Variants in GLRA3 observed in about 807,000 individuals in gnomAD.
GLRA3 encodes the protein glycine receptor alpha 3.
In GLRA3, 44 loss-of-function variants were observed where a neutral mutation model predicts 60.4. That is an observed-to-expected ratio of 0.73 (90% CI 0.57 to 0.94). GLRA3 has a LOEUF of 0.94. Ranked by LOEUF, GLRA3 falls within the 40% of genes least tolerant of loss-of-function variation. GLRA3 has a pLI of 0.00. For missense variants in GLRA3, 508 were observed against 564.6 expected, an observed-to-expected ratio of 0.90 and a Z score of 1.02; for synonymous variants, 223 against 192.9, an observed-to-expected ratio of 1.16 and a Z score of -1.29.
chr4:174,676,558 T>C (rs1472278392), intron 7 of GLRA3, among the ~76,000 whole-genome samples: 1 of 152,144 alleles, frequency 6.6e-6, no homozygotes, highest in Non-Finnish European at 1.5e-5. Flanking sequence ...TATGGATATA[T>C]ATGTGTGTTT....
chr4:174,669,695 C>A (rs1733832013), intron 7 of GLRA3, among the ~76,000 whole-genome samples: 1 of 152,136 alleles, frequency 6.6e-6, no homozygotes, highest in Non-Finnish European at 1.5e-5. Context: ...CCTGCCTCAG[C>A]CTCCCAAGCA....
At chr4:174,737,173 A>C (rs1295831289) in intron 3 of GLRA3, among the ~76,000 whole-genome samples, 1 of 152,186 alleles carries the variant, frequency 6.6e-6, no homozygotes, top group Non-Finnish European at 1.5e-5. Context: ...CCTGTGTAAG[A>C]TCAAATTTTA....
At chr4:174,767,306 T>C (rs572974583) in intron 2 of GLRA3, among the ~76,000 whole-genome samples, 66 of 152,256 alleles carry the variant, frequency 4.3e-4, no homozygotes, top group African/African-American at 1.5e-3. Context: ...TAATGCCTGA[T>C]GCTGTAAGTC....
intron 5 of GLRA3, among the ~76,000 whole-genome samples, chr4:174,702,857 G>A (rs2111053854): frequency 6.6e-6 from 1 of 152,156 alleles, no homozygotes; most frequent in Admixed American, 6.5e-5. Flanking sequence ...TGGTATATTT[G>A]AATCATATTC....
chr4:174,761,674 A>G (rs1015629668), intron 3 of GLRA3, among the ~76,000 whole-genome samples: 1 of 152,212 alleles, frequency 6.6e-6, no homozygotes, highest in Non-Finnish European at 1.5e-5. Context: ...GAAGATAGAT[A>G]AAACCAATAT....
intron 3 of GLRA3, among the ~76,000 whole-genome samples, chr4:174,758,440 T>C (rs903077437): frequency 1.3e-5 from 2 of 152,126 alleles, no homozygotes; most frequent in African/African-American, 2.4e-5. Flanking sequence ...ATGAACCCAA[T>C]TGAGAGACAT....
In GLRA3 at chr4:174,718,613, G is replaced by A. The variant is rs113270346; in HGVS notation, c.492-3043C>T. On this transcript the variant is annotated intron_variant, in intron 4 of 9. Transcript: ENST00000274093. ...GTTTGCTGACTCTATTATAGACTTT[G>A]TATATAAATGAGTATTTTTATTAGA... Among the ~76,000 whole-genome samples the A allele has an allele frequency of 9.3e-3, 1,417 of 152,192 alleles. 20 individuals carry two copies. The highest frequency in any genetic ancestry group is 0.031 in the African/African-American group (1,267 of 41,536).
At chr4:174,789,430 TA>T (rs999747778) in intron 1 of GLRA3, among the ~76,000 whole-genome samples, 4 of 152,244 alleles carry the variant, frequency 2.6e-5, no homozygotes, top group African/African-American at 9.6e-5. Flanking sequence ...TTTCTTCAAT[TA>T]GAGTGCTTCC....
At chr4:174,809,381 C>T (rs1484824065) in intron 1 of GLRA3, among the ~76,000 whole-genome samples, 1 of 152,068 alleles carries the variant, frequency 6.6e-6, no homozygotes, top group African/African-American at 2.4e-5. Context: ...AAACTTTTCC[C>T]TGCTGTTAAG....
intron 9 of GLRA3, among the ~76,000 whole-genome samples, chr4:174,644,856 T>C (rs1321977312): frequency 7.1e-6 from 1 of 139,904 alleles, no homozygotes; most frequent in Non-Finnish European, 1.6e-5. Flanking sequence ...TAAAGAAAAA[T>C]TTAAATAAAA....
chr4:174,723,655 G>A (rs1736213084), intron 4 of GLRA3, among the ~76,000 whole-genome samples: 1 of 151,860 alleles, frequency 6.6e-6, no homozygotes, highest in Admixed American at 6.6e-5. Flanking sequence ...AAGTGAAACA[G>A]TACTTCAAAA....
chr4:174,700,060 A>G (rs1735246851), intron 5 of GLRA3, among the ~76,000 whole-genome samples: 1 of 152,190 alleles, frequency 6.6e-6, no homozygotes, highest in African/African-American at 2.4e-5. Flanking sequence ...GAGTTTGTAT[A>G]GCCCAAGGAT....
In GLRA3 at chr4:174,798,699, C is replaced by T. The variant is rs533407319; in HGVS notation, c.72-9756G>A. ...CAGCACTTTGGGAGGCCAAGGCGGGCGGATCACGAGGTCAGTAGACGGAGA... is the reference window on the plus strand; with the variant it reads ...CAGCACTTTGGGAGGCCAAGGCGGGTGGATCACGAGGTCAGTAGACGGAGA... On this transcript the variant is annotated intron_variant, in intron 1 of 9. Transcript: ENST00000274093. Among the ~76,000 whole-genome samples, 16 of 152,250 alleles carry T rather than the reference C, an allele frequency of 1.1e-4. No homozygotes were observed. In the East Asian group the frequency reaches 1.4e-3, roughly 13 times the overall value.
chr4:174,748,334 G>A (rs1445493724), intron 3 of GLRA3, among the ~76,000 whole-genome samples: 1 of 152,144 alleles, frequency 6.6e-6, no homozygotes, highest in African/African-American at 2.4e-5. Context: ...TTTGGAAATA[G>A]CAATTTTAGT....
intron 3 of GLRA3, among the ~76,000 whole-genome samples, chr4:174,764,395 C>T (rs1465540037): frequency 1.3e-5 from 2 of 151,918 alleles, no homozygotes; most frequent in Admixed American, 6.6e-5. Context: ...AGGATAATTA[C>T]GTAGTTTTAT....
intron 1 of GLRA3, among the ~76,000 whole-genome samples, chr4:174,828,232 AT>A (rs1408500729): frequency 2.0e-5 from 3 of 152,176 alleles, no homozygotes; most frequent in Non-Finnish European, 4.4e-5. Flanking sequence ...GAGCTAGGTC[AT>A]TAGAAAATAG....
chr4:174,767,264 T>A (rs184165051), intron 2 of GLRA3, among the ~76,000 whole-genome samples: 1 of 152,134 alleles, frequency 6.6e-6, no homozygotes, highest in Non-Finnish European at 1.5e-5. Context: ...TTGGTCTTAG[T>A]TTTTAAAATC....
chr4:174,694,760 C>A (rs930254730), intron 5 of GLRA3, among the ~76,000 whole-genome samples: 6 of 151,690 alleles, frequency 4.0e-5, no homozygotes, highest in Non-Finnish European at 8.9e-5. Context: ...GGAAATCAAG[C>A]CACAAAAAAG....
chr4:174,820,159 AT>A (rs1227575058), intron 1 of GLRA3, among the ~76,000 whole-genome samples: 3 of 152,254 alleles, frequency 2.0e-5, no homozygotes, highest in East Asian at 1.9e-4. Flanking sequence ...ATTTTTAGAT[AT>A]TTTTTTCTAG....
Sources: allele counts gnomAD v4.1 joint callset (sites outside exome capture counted in the v4.1 genomes callset), GRCh38; gene constraint gnomAD v4.1.1; transcripts MANE v1.5; gene names NCBI Gene and HGNC (gene_info 2026-07-23, HGNC 2026-07-21).